The following SLC9A9 variants were observed in gnomAD, a reference collection of about 807,000 sequenced individuals.
The protein encoded by SLC9A9 is sodium/hydrogen exchanger 9.
SLC9A9 carries 62 observed loss-of-function variants against 77.8 expected under a neutral mutation model. The observed-to-expected ratio is 0.80, with a 90% CI of 0.65 to 0.98. The LOEUF (loss-of-function observed/expected upper bound fraction) is 0.98. Ranked by LOEUF, SLC9A9 falls within the 50% of genes least tolerant of loss-of-function variation. The pLI is 0.00. For missense variants in SLC9A9, 775 were observed against 774.9 expected (o/e 1.00, Z 0.00); for synonymous variants, 320 against 283.5 (o/e 1.13, Z -1.29).
intron 11 of SLC9A9, among the ~76,000 whole-genome samples, chr3:143,485,727 T>G (rs2035643623): frequency 6.6e-6 from 1 of 152,022 alleles, no homozygotes; most frequent in Non-Finnish European, 1.5e-5. Context: ...AACAGGATAG[T>G]ATGGCCATTC....
chr3:143,627,510 G>A (rs2038351716), intron 6 of SLC9A9: 2 of 285,316 alleles, frequency 7.0e-6, no homozygotes, highest in South Asian at 4.4e-5. Flanking sequence ...CACAGACACA[G>A]TATGCCACAT....
chr3:143,482,135 G>A lies in SLC9A9; in HGVS notation c.1315+11518C>T, dbSNP rs1006037203. ...TGCAGAACAGTGCTCCACAAAACTT[G>A]AGTAGCAATGGCAGCCTTTTCACAA... On this transcript the variant is annotated intron_variant, in intron 11 of 15. Coordinates refer to ENST00000316549, the MANE Select transcript of SLC9A9 (RefSeq NM_173653.4). Among the ~76,000 whole-genome samples the A allele has an allele frequency of 5.3e-5, 8 of 152,302 alleles. 1 individual carries two copies. The South Asian group carries it at 1.7e-3, about 32-fold the overall frequency.
chr3:143,377,348 TAC>T (rs747508882), intron 13 of SLC9A9, among the ~76,000 whole-genome samples: 1 of 152,238 alleles, frequency 6.6e-6, no homozygotes. Context: ...TTCATATTTT[TAC>T]AGATACTTTG....
At chr3:143,587,741 G>A (rs1228733558) in intron 6 of SLC9A9, among the ~76,000 whole-genome samples, 4 of 152,220 alleles carry the variant, frequency 2.6e-5, no homozygotes, top group African/African-American at 9.7e-5. Context: ...GAAGGTGGGT[G>A]GGAGACAACA....
chr3:143,536,612 G>A (rs1202404015), intron 9 of SLC9A9, among the ~76,000 whole-genome samples: 1 of 152,160 alleles, frequency 6.6e-6, no homozygotes, highest in Admixed American at 6.5e-5. Flanking sequence ...CTGTAGAAGG[G>A]AGCTTGACAA....
intron 6 of SLC9A9, among the ~76,000 whole-genome samples, chr3:143,631,508 G>A (rs1277425479): frequency 6.6e-6 from 1 of 152,094 alleles, no homozygotes; most frequent in African/African-American, 2.4e-5. Flanking sequence ...GGTTGGGCAG[G>A]CAATGTGAGT....
At chr3:143,837,282 A>C (rs16854449) in intron 1 of SLC9A9, among the ~76,000 whole-genome samples, 1,739 of 152,248 alleles carry the variant, frequency 0.011, 38 homozygotes, top group African/African-American at 0.04. Context: ...CCAGAGTTGC[A>C]CAATGCAGCA....
At chr3:143,844,920 C>T (rs1451550631) in intron 1 of SLC9A9, among the ~76,000 whole-genome samples, 1 of 151,872 alleles carries the variant, frequency 6.6e-6, no homozygotes, top group Non-Finnish European at 1.5e-5. Context: ...CACCATGCCC[C>T]CCTGCTCTTG....
At chr3:143,564,828 T>C (rs1248820164) in intron 8 of SLC9A9, among the ~76,000 whole-genome samples, 2 of 152,218 alleles carry the variant, frequency 1.3e-5, no homozygotes, top group African/African-American at 4.8e-5. Context: ...TTCAAATCTA[T>C]GTTGCCAGGT....
At chr3:143,379,157 C>T (rs1235688395) in intron 13 of SLC9A9, among the ~76,000 whole-genome samples, 1 of 152,034 alleles carries the variant, frequency 6.6e-6, no homozygotes, top group Admixed American at 6.6e-5. Flanking sequence ...GTTAAGGCTG[C>T]CCATTACAAA....
intron 14 of SLC9A9, among the ~76,000 whole-genome samples, chr3:143,357,144 T>C (rs185016221): frequency 1.2e-4 from 18 of 152,248 alleles, no homozygotes; most frequent in African/African-American, 4.1e-4. Flanking sequence ...TCAAATATTT[T>C]GAAATTTTGT....
intron 2 of SLC9A9, among the ~76,000 whole-genome samples, chr3:143,806,695 G>T (rs1313421362): frequency 6.6e-6 from 1 of 150,472 alleles, no homozygotes; most frequent in Non-Finnish European, 1.5e-5. Context: ...AGAGTAAGTA[G>T]AATGATGGTT....
intron 9 of SLC9A9, among the ~76,000 whole-genome samples, chr3:143,548,334 T>C (rs1427354013): frequency 6.6e-6 from 1 of 151,468 alleles, no homozygotes; most frequent in African/African-American, 2.4e-5. Context: ...AGGAAAGGGG[T>C]AGGAGGAAGG....
chr3:143,572,040 C>T (rs921357873), intron 8 of SLC9A9, among the ~76,000 whole-genome samples: 1 of 152,140 alleles, frequency 6.6e-6, no homozygotes, highest in African/African-American at 2.4e-5. Flanking sequence ...GCCATGGACA[C>T]TTGGATCTTT....
At chr3:143,832,658 G>C (rs1318301571) in intron 1 of SLC9A9, among the ~76,000 whole-genome samples, 1 of 151,870 alleles carries the variant, frequency 6.6e-6, no homozygotes, top group Non-Finnish European at 1.5e-5. Context: ...CCCCATGGTT[G>C]GGGTGAGAGG....
At chr3:143,467,323 T>C in intron 11 of SLC9A9, 133 bp from the exon 12 acceptor site, 4 of 1,038,354 alleles carry the variant, frequency 3.9e-6, no homozygotes, top group Non-Finnish European at 4.3e-6. Context: ...TATAGATTCA[T>C]AAAGAGTTGT....
intron 8 of SLC9A9, among the ~76,000 whole-genome samples, chr3:143,559,587 A>G (rs566859349): frequency 1.3e-5 from 2 of 152,234 alleles, no homozygotes; most frequent in African/African-American, 4.8e-5. Context: ...CAAAGAAATA[A>G]CACTGGTTCT....
chr3:143,462,277 G>A (rs1355132180), intron 12 of SLC9A9, among the ~76,000 whole-genome samples: 2 of 152,086 alleles, frequency 1.3e-5, no homozygotes, highest in African/African-American at 4.8e-5. Flanking sequence ...AGAGGCTGAG[G>A]CAGGAGGATC....
At chr3:143,747,367 GC>G (rs1935218713) in intron 4 of SLC9A9, among the ~76,000 whole-genome samples, 1 of 136,302 alleles carries the variant, frequency 7.3e-6, no homozygotes, top group East Asian at 2.1e-4. Flanking sequence ...TTGCACCTCT[GC>G]CCCCCAGCCT....
Sources: gnomAD v4.1 joint callset for allele counts (sites outside exome capture counted in the v4.1 genomes callset) on GRCh38, gnomAD v4.1.1 for gene constraint, MANE v1.5 for transcripts, NCBI Gene and HGNC (gene_info 2026-07-23, HGNC 2026-07-21) for gene names.